Variants in E2F2 observed in about 807,000 individuals in gnomAD.
E2F2 encodes the protein E2F transcription factor 2, also known as transcription factor E2F2.
In E2F2, 22 loss-of-function variants were observed where a neutral mutation model predicts 42.2. That is an observed-to-expected ratio of 0.52 (90% CI 0.37 to 0.74). The LOEUF (loss-of-function observed/expected upper bound fraction) is 0.74, where lower values mean the gene tolerates loss of function less well. Ranked by LOEUF, E2F2 falls within the 30% of genes least tolerant of loss-of-function variation. E2F2 has a pLI of 0.00. For missense variants in E2F2, 481 were observed against 557.8 expected (o/e 0.86, Z 1.39); for synonymous variants, 248 against 251.6 (o/e 0.99, Z 0.13).
chr1:23,521,758 A>G, intron 3 of E2F2, 79 bp downstream of exon 3: 2 of 1,574,374 alleles, frequency 1.3e-6, no homozygotes, highest in Non-Finnish European at 1.7e-6. Context: ...TGCCACTCAC[A>G]CCCACTGGCT....
chr1:23,521,506 G>C, intron 3 of E2F2: 1 of 981,276 alleles, frequency 1.0e-6, no homozygotes, highest in Non-Finnish European at 1.2e-6. Flanking sequence ...CCCTAAGCTA[G>C]AAGAAGTGGA....
intron 4 of E2F2, 50 bp downstream of exon 4, chr1:23,520,863 A>T: frequency 1.2e-5 from 18 of 1,485,052 alleles, no homozygotes; most frequent in Non-Finnish European, 1.6e-5. Context: ...AGATATAAAC[A>T]TGCAACAGGT....
intron 2 of E2F2, among the ~76,000 whole-genome samples, chr1:23,523,816 G>A (rs1038311247): frequency 1.3e-5 from 2 of 152,146 alleles, no homozygotes; most frequent in Non-Finnish European, 1.5e-5. Context: ...GCTCACGCCT[G>A]TAATCCCACC....
chr1:23,514,801 C>T (rs1642985071), intron 6 of E2F2, among the ~76,000 whole-genome samples: 1 of 145,998 alleles, frequency 6.8e-6, no homozygotes. Flanking sequence ...CATACCATTG[C>T]ACTCCAGCCT....
rs183239109 is a variant in E2F2, at chr1:23,516,121, G to T, written c.1045+214C>A. On this transcript the variant is annotated intron_variant, in intron 6 of 6. Coordinates refer to ENST00000361729, the MANE Select transcript of E2F2 (RefSeq NM_004091.4). ...CATAGCTGGTAAGTGGATGGGCTGGGATTCAAATCCAGGCCTTCCTCTGCC... is the reference window on the plus strand; with the variant it reads ...CATAGCTGGTAAGTGGATGGGCTGGTATTCAAATCCAGGCCTTCCTCTGCC... 2.6e-4 allele frequency among the ~76,000 whole-genome samples: 39 copies of T among 152,336 alleles called. No homozygotes were observed. In the East Asian group the frequency reaches 7.3e-3, roughly 29 times the overall value.
intron 6 of E2F2, among the ~76,000 whole-genome samples, chr1:23,513,629 T>C (rs1558238045): frequency 4.7e-5 from 7 of 148,094 alleles, no homozygotes; most frequent in African/African-American, 1.7e-4. Flanking sequence ...GGAGAATCCC[T>C]TGAACCTGGG....
chr1:23,511,410 C>CT (rs1026479967), intron 6 of E2F2, among the ~76,000 whole-genome samples: 1 of 151,954 alleles, frequency 6.6e-6, no homozygotes, highest in Non-Finnish European at 1.5e-5. Flanking sequence ...AATTTTTAAA[C>CT]TTTTTTGTAG....
At chr1:23,518,659 G>A (rs1268669942) in intron 5 of E2F2, among the ~76,000 whole-genome samples, 1 of 152,060 alleles carries the variant, frequency 6.6e-6, no homozygotes, top group Non-Finnish European at 1.5e-5. Flanking sequence ...CATAGGGAGT[G>A]TCAGGAATTT....
intron 1 of E2F2, among the ~76,000 whole-genome samples, chr1:23,529,624 C>G (rs1390415897): frequency 6.6e-6 from 1 of 152,262 alleles, no homozygotes; most frequent in East Asian, 1.9e-4. Flanking sequence ...GCTAGCCCCA[C>G]AGCCACCCTG....
At chr1:23,515,527 A>T (rs1011653878) in intron 6 of E2F2, among the ~76,000 whole-genome samples, 13 of 147,814 alleles carry the variant, frequency 8.8e-5, no homozygotes, top group African/African-American at 3.0e-4. Flanking sequence ...TCTATGTCTT[A>T]TTTTTTTTTT....
At chr1:23,505,763 T>C (rs1284800269), downstream of E2F2, among the ~76,000 whole-genome samples, 1 of 152,270 alleles carries the variant, frequency 6.6e-6, no homozygotes, top group East Asian at 1.9e-4. Flanking sequence ...TCCGCCCGCC[T>C]TGGACTCTCG....
intron 6 of E2F2, among the ~76,000 whole-genome samples, chr1:23,510,665 A>G (rs1303685866): frequency 2.6e-5 from 4 of 152,236 alleles, no homozygotes; most frequent in African/African-American, 9.6e-5. Flanking sequence ...AACCCTGAGG[A>G]CATTAAACTA....
At chr1:23,522,544 A>G (rs2742972) in intron 2 of E2F2, among the ~76,000 whole-genome samples, 92,160 of 152,008 alleles carry the variant, frequency 0.61, 28,594 homozygotes, top group East Asian at 0.83. Flanking sequence ...GTCTGACTCC[A>G]GAGTTTTCCT....
At chr1:23,527,546 G>A (rs1012140872) in intron 1 of E2F2, among the ~76,000 whole-genome samples, 4 of 152,184 alleles carry the variant, frequency 2.6e-5, no homozygotes, top group Admixed American at 6.5e-5. Context: ...ACCCCCTTAC[G>A]GGCACCACGG....
At chr1:23,517,079 A>G (rs1228310934) in intron 5 of E2F2, among the ~76,000 whole-genome samples, 3 of 152,132 alleles carry the variant, frequency 2.0e-5, no homozygotes, top group Non-Finnish European at 4.4e-5. Flanking sequence ...AAAGCGTGAG[A>G]CAGACCTGAA....
intron 2 of E2F2, among the ~76,000 whole-genome samples, chr1:23,523,258 G>A (rs1219535839): frequency 1.3e-5 from 2 of 151,658 alleles, no homozygotes; most frequent in African/African-American, 4.8e-5. Flanking sequence ...CCAGGTTCAA[G>A]TGATTCTCCT....
Position 23,506,623 on chromosome 1 carries a change from C to G in E2F2, c.*3257G>C, listed in dbSNP as rs1425726738. 6.6e-6 allele frequency: 1 copy of G among 152,292 alleles called. No homozygotes were observed. The highest frequency in any genetic ancestry group is 1.9e-4 in the East Asian group (1 of 5,194). 9.4% of individuals were successfully genotyped at this position (152,292 alleles called of 1,614,324 possible). A position where few individuals can be genotyped will look rare whatever the true frequency, so the allele number is the denominator to read the frequency against. ...CACAGGCAAGGTTCTTCAGCTCACC[C>G]AGGAGCCAGCAGGCTGGCCAGGCGT... On this transcript the variant is annotated 3_prime_UTR_variant, in exon 7 of 7. Transcript: ENST00000361729.
At position 23,509,761 on chromosome 1, in the gene E2F2, G is replaced by C; in HGVS notation, c.*119C>G. The C allele has an allele frequency of 1.4e-6, 2 of 1,409,664 alleles. No individual in the cohort carries two copies. Among genetic ancestry groups the C allele is most frequent in the Non-Finnish European group, 1.9e-6 (2 of 1,077,600 alleles). 87.3% of individuals were successfully genotyped at this position (1,409,664 alleles called of 1,614,324 possible). ...CCGGCTGGGGCAGGAAAGGCGAGGA[G>C]ACCCCATGCCCTGAGGGCAGCACCT... is the stretch of plus-strand genomic sequence containing the variant. On this transcript the variant is annotated 3_prime_UTR_variant, in exon 7 of 7. Transcript: ENST00000361729.
intron 4 of E2F2, among the ~76,000 whole-genome samples, chr1:23,519,809 A>G (rs1033129992): frequency 1.3e-5 from 2 of 151,972 alleles, no homozygotes; most frequent in African/African-American, 4.8e-5. Flanking sequence ...CGGGTGCGGT[A>G]TCTCACTCCT....
Sources: allele counts gnomAD v4.1 joint callset (sites outside exome capture counted in the v4.1 genomes callset), GRCh38; gene constraint gnomAD v4.1.1; transcripts MANE v1.5; gene names NCBI Gene and HGNC (gene_info 2026-07-23, HGNC 2026-07-21).